ST3GAL2: variants seen among roughly 807,000 people sequenced by gnomAD.
ST3GAL2 encodes CMP-N-acetylneuraminate-beta-galactosamide-alpha-2,3-sialyltransferase 2.
Under a neutral mutation model 37.5 loss-of-function variants are expected in ST3GAL2, and 16 were observed. The ratio of observed to expected loss-of-function variants is 0.43; its 90% CI spans 0.29 to 0.65. The LOEUF is 0.65. ST3GAL2 is among the 30% of genes least tolerant of loss of function. ST3GAL2 has a pLI of 0.17. For missense variants in ST3GAL2, 383 were observed against 487.8 expected (o/e 0.79, Z 2.02); for synonymous variants, 238 against 202.9 (o/e 1.17, Z -1.47).
chr16:70,391,692 AG>A, intron 3 of ST3GAL2, among the ~76,000 whole-genome samples: 1 of 152,296 alleles, frequency 6.6e-6, no homozygotes, highest in South Asian at 2.1e-4. Flanking sequence ...AGGGGTAGGC[AG>A]GGGGTAGAGG....
At chr16:70,412,827 A>C (rs914008880) in intron 1 of ST3GAL2, among the ~76,000 whole-genome samples, 6 of 152,038 alleles carry the variant, frequency 3.9e-5, no homozygotes, top group African/African-American at 1.4e-4. Flanking sequence ...CAGGCGGATC[A>C]CTTGAGCTCA....
At chr16:70,422,196 T>C (rs1272435011) in intron 1 of ST3GAL2, among the ~76,000 whole-genome samples, 1 of 152,278 alleles carries the variant, frequency 6.6e-6, no homozygotes, top group Non-Finnish European at 1.5e-5. Context: ...AGGTCCTCCA[T>C]TTGTAAAATG....
intron 1 of ST3GAL2, among the ~76,000 whole-genome samples, chr16:70,432,331 G>A (rs548176339): frequency 1.3e-5 from 2 of 152,234 alleles, no homozygotes; most frequent in South Asian, 4.2e-4. Context: ...AGAATCTGCA[G>A]GGATAAGGCA....
At chr16:70,386,512 G>A (rs968167011) in intron 4 of ST3GAL2, among the ~76,000 whole-genome samples, 1 of 151,934 alleles carries the variant, frequency 6.6e-6, no homozygotes, top group Non-Finnish European at 1.5e-5. Context: ...GCTAATTTTT[G>A]TATTTTTAGT....
intron 1 of ST3GAL2, among the ~76,000 whole-genome samples, chr16:70,434,076 C>A (rs1406207777): frequency 1.3e-5 from 2 of 152,148 alleles, no homozygotes; most frequent in South Asian, 4.1e-4. Flanking sequence ...GTCTTATCCC[C>A]CTCCCAGGAA....
At chr16:70,391,680 G>A (rs773195636) in intron 3 of ST3GAL2, among the ~76,000 whole-genome samples, 5 of 152,216 alleles carry the variant, frequency 3.3e-5, no homozygotes, top group Non-Finnish European at 7.3e-5. Context: ...CCAGGGTATG[G>A]CAGGGGTAGG....
intron 2 of ST3GAL2, among the ~76,000 whole-genome samples, chr16:70,397,046 T>TC (rs1340658269): frequency 2.7e-5 from 4 of 147,580 alleles, no homozygotes; most frequent in Non-Finnish European, 4.5e-5. Context: ...TTTCTTTCTT[T>TC]TTTTTTTTTT....
At chr16:70,401,966 C>A (rs2047558527) in intron 1 of ST3GAL2, among the ~76,000 whole-genome samples, 1 of 145,208 alleles carries the variant, frequency 6.9e-6, no homozygotes, top group African/African-American at 2.6e-5. Context: ...TGTACTCCAG[C>A]CTGGGCGACA....
rs2047414744 is a variant in ST3GAL2 at position 70,382,727 on chromosome 16, T to C, written c.879+78A>G. The C allele has an allele frequency of 1.9e-5, 31 of 1,592,226 alleles. 1 individual carries two copies. In the South Asian group the frequency reaches 3.3e-4, roughly 17 times the overall value. ...CTGCCTACAGAAGCACATTCCTCTGTTAGCCTGCTAAGACCCGAGAAGGCC... is the reference window on the plus strand; with the variant it reads ...CTGCCTACAGAAGCACATTCCTCTGCTAGCCTGCTAAGACCCGAGAAGGCC... On this transcript the variant is annotated intron_variant, in intron 6 of 6. Transcript: ENST00000342907.
In ST3GAL2 at chr16:70,377,579, C is replaced by A. The variant is rs1425799090; in HGVS notation, c.*4110G>T. ...GTGGCTCACACCTGTAATGCCAGCA[C>A]CTTGGGAGGCCAAGGTGGGCAGATC... On this transcript the variant is annotated 3_prime_UTR_variant, in exon 7 of 7. Transcript: ENST00000342907. 1 of 151,146 alleles carries A rather than the reference C, an allele frequency of 6.6e-6. No individual in the cohort carries two copies. Among genetic ancestry groups the A allele is most frequent in the Non-Finnish European group, 1.5e-5 (1 of 67,972 alleles). The allele number at this position is 151,146 out of a possible 1,614,324, so 9.4% of individuals were successfully genotyped here.
In ST3GAL2 at chr16:70,398,385, T is replaced by C. The variant is rs2047531883; in HGVS notation, c.146A>G (p.Lys49Arg). 1 of 1,613,574 alleles carries C rather than the reference T, an allele frequency of 6.2e-7. No homozygotes were observed. ...CAGGCCGGCATAGCCGGGCACCAGC[T>C]TCACCCGGTGCGTCCCATCCAGGGC... The part of the protein sequence containing the change: ...SGALDGTHRV[K>R]LVPGYAGLQR... The change falls in exon 2 of 7, where the codon AAG becomes AGG. Residue 49 changes from lysine (K) to arginine (R), a missense_variant. Transcript: ENST00000342907.
chr16:70,389,727 GT>G (rs1249080605), intron 3 of ST3GAL2, among the ~76,000 whole-genome samples: 1 of 152,100 alleles, frequency 6.6e-6, no homozygotes, highest in Non-Finnish European at 1.5e-5. Context: ...GCCTCCCAAA[GT>G]GCTGGGATTA....
chr16:70,421,481 C>T (rs926162532), intron 1 of ST3GAL2, among the ~76,000 whole-genome samples: 15 of 152,212 alleles, frequency 9.9e-5, no homozygotes, highest in African/African-American at 3.4e-4. Context: ...CAACATCCAT[C>T]GTGCCATGTA....
At chr16:70,386,490 C>T (rs960542567) in intron 4 of ST3GAL2, among the ~76,000 whole-genome samples, 2 of 151,910 alleles carry the variant, frequency 1.3e-5, no homozygotes, top group Non-Finnish European at 2.9e-5. Context: ...CACGCCTGGC[C>T]GGCCACACCC....
intron 1 of ST3GAL2, 33 bp from the exon 2 acceptor site, chr16:70,399,566 A>C: frequency 2.5e-6 from 1 of 397,394 alleles, no homozygotes. Flanking sequence ...TAATGTGCGG[A>C]TGAATCACAC....
At chr16:70,431,252 A>G (rs2047787927) in intron 1 of ST3GAL2, among the ~76,000 whole-genome samples, 1 of 152,206 alleles carries the variant, frequency 6.6e-6, no homozygotes, top group Non-Finnish European at 1.5e-5. Context: ...TTTCCACACC[A>G]AAGTAGTTCC....
At chr16:70,418,937 A>G (rs1396420816) in intron 1 of ST3GAL2, among the ~76,000 whole-genome samples, 1 of 152,188 alleles carries the variant, frequency 6.6e-6, no homozygotes, top group Non-Finnish European at 1.5e-5. Flanking sequence ...GAGCAAGGGC[A>G]CACAGCAGGA....
At chr16:70,430,216 G>A (rs2151680555) in intron 1 of ST3GAL2, among the ~76,000 whole-genome samples, 1 of 152,348 alleles carries the variant, frequency 6.6e-6, no homozygotes, top group South Asian at 2.1e-4. Flanking sequence ...GATCCAGGCT[G>A]GGCAGGAACT....
rs1245543321 is a variant in ST3GAL2, at chr16:70,398,470, A to G, written c.61T>C (p.Ser21Pro). Reference protein sequence around the residue: ...SVAFLLVFIMSLLFTYSHHSM... With the variant: ...SVAFLLVFIMPLLFTYSHHSM... ...TGGTGCGAGTAGGTGAAGAGCAGGGACATGATGAACACCAGCAGGAAGGCC... is the reference window on the plus strand; with the variant it reads ...TGGTGCGAGTAGGTGAAGAGCAGGGGCATGATGAACACCAGCAGGAAGGCC... The change falls in exon 2 of 7, where the codon TCC (serine) becomes CCC (proline). Residue 21 changes from serine (S) to proline (P), a missense_variant. Transcript: ENST00000342907. The G allele has an allele frequency of 1.9e-6, 3 of 1,613,500 alleles. No homozygotes were observed.
Sources: allele counts gnomAD v4.1 joint callset (sites outside exome capture counted in the v4.1 genomes callset), GRCh38; gene constraint gnomAD v4.1.1; transcripts MANE v1.5; gene names NCBI Gene and HGNC (gene_info 2026-07-23, HGNC 2026-07-21).